ATP2C2: variants seen among roughly 807,000 people sequenced by gnomAD.
ATP2C2 encodes calcium-transporting ATPase type 2C member 2.
In ATP2C2, 171 loss-of-function variants were observed where a neutral mutation model predicts 110.8. The ratio of observed to expected loss-of-function variants is 1.54; its 90% CI spans 1.36 to 1.75. ATP2C2 has a LOEUF of 1.75. ATP2C2 is among the 40% of genes most tolerant of loss of function. The pLI, the probability that ATP2C2 is intolerant of heterozygous loss-of-function variation, is 0.00. For synonymous variants in ATP2C2, 804 were observed against 508.4 expected (o/e 1.58, Z -7.82); for missense variants, 1,963 against 1,235.0 (o/e 1.59, Z -8.84).
chr16:84,370,593 C>G (rs75220649), intron 1 of ATP2C2, among the ~76,000 whole-genome samples: 13,884 of 151,940 alleles, frequency 0.091, 734 homozygotes, highest in Middle Eastern at 0.16. Context: ...CTCATGTCCT[C>G]TCGTTGGAAC....
intron 11 of ATP2C2, among the ~76,000 whole-genome samples, chr16:84,430,349 G>T (rs1219897437): frequency 6.6e-5 from 10 of 152,188 alleles, no homozygotes; most frequent in Non-Finnish European, 8.8e-5. Flanking sequence ...ACAGAGTAAA[G>T]TCAGTTCTGG....
At chr16:84,442,239 A>C (rs917602662) in intron 14 of ATP2C2, among the ~76,000 whole-genome samples, 1 of 152,022 alleles carries the variant, frequency 6.6e-6, no homozygotes, top group Non-Finnish European at 1.5e-5. Flanking sequence ...CATCATCCCC[A>C]TTATCGGTCG....
intron 26 of ATP2C2, chr16:84,462,397 C>T (rs914173226): frequency 1.8e-5 from 7 of 397,390 alleles, no homozygotes; most frequent in South Asian, 5.0e-5. Flanking sequence ...TCCCAGGCGT[C>T]GGGCTGGAGG....
chr16:84,460,927 ATG>A, intron 24 of ATP2C2, 126 bp downstream of exon 24: 1 of 1,322,868 alleles, frequency 7.6e-7, no homozygotes, highest in South Asian at 1.5e-5. Flanking sequence ...ACACCGGACA[ATG>A]TGATGCCATC....
chr16:84,463,363 C>A (rs1911587808), intron 26 of ATP2C2, among the ~76,000 whole-genome samples: 1 of 152,164 alleles, frequency 6.6e-6, no homozygotes, highest in Non-Finnish European at 1.5e-5. Context: ...ATAACATGCT[C>A]CCAGCTGCCT....
At chr16:84,399,767 A>T (rs1905208625) in intron 2 of ATP2C2, among the ~76,000 whole-genome samples, 1 of 152,184 alleles carries the variant, frequency 6.6e-6, no homozygotes, top group African/African-American at 2.4e-5. Context: ...GTTACAAGTC[A>T]TCCACTTACA....
At chr16:84,442,437 G>C (rs1453928172) in intron 14 of ATP2C2, 73 bp from the exon 15 acceptor site, 80 of 1,431,336 alleles carry the variant, frequency 5.6e-5, no homozygotes, top group Non-Finnish European at 6.8e-5. Context: ...TGTAAAAATG[G>C]GACAGGCCCA....
At position 84,406,744 on chromosome 16, in the gene ATP2C2, G is replaced by A. The variant is rs1053729621; in HGVS notation, c.327+1500G>A. 8.2e-6 allele frequency: 6 copies of A among 729,180 alleles called. No individual in the cohort carries two copies. In the African/African-American group the frequency reaches 1.2e-4, roughly 14 times the overall value. The allele number at this position is 729,180 out of a possible 1,614,324, so 45.2% of individuals were successfully genotyped here. A position where few individuals can be genotyped will look rare whatever the true frequency, so the allele number is the denominator to read the frequency against. On this transcript the variant is annotated intron_variant, in intron 3 of 26. Coordinates refer to ENST00000262429, the MANE Select transcript of ATP2C2 (RefSeq NM_014861.4). ...TCCCGGAAGTTGGGGTTCAGGGAAG[G>A]AGGCCGAGACATGGGCTGTGAGGGA...
chr16:84,435,624 A>C (rs1169941140), intron 11 of ATP2C2, among the ~76,000 whole-genome samples: 2 of 152,174 alleles, frequency 1.3e-5, no homozygotes, highest in Non-Finnish European at 2.9e-5. Flanking sequence ...CCAGAAGTTC[A>C]AGACCAGCCT....
rs531287042 is a variant in ATP2C2, at chr16:84,453,208, G to T, written c.1902G>T (p.Lys634Asn). ...GGGAGGAGGTGGACAGCGTGGAGAA[G>T]GGCGAGCTGGCCGACCGCGTGGGGA... Reference protein sequence around the residue: ...MSGEEVDSVEKGELADRVGKV... With the variant: ...MSGEEVDSVENGELADRVGKV... Residue 634 changes from lysine (K) to asparagine (N), a missense_variant, in exon 19 of 27, where the codon AAG becomes AAT. By Grantham distance (94) the Lys-to-Asn change is moderately conservative. Transcript: ENST00000262429. 12 of 1,613,888 alleles carry T rather than the reference G, an allele frequency of 7.4e-6. No individual in the cohort carries two copies. The East Asian group carries it at 1.6e-4, about 21-fold the overall frequency.
At chr16:84,440,167 G>A (rs1054104086) in intron 13 of ATP2C2, among the ~76,000 whole-genome samples, 2 of 152,184 alleles carry the variant, frequency 1.3e-5, no homozygotes, top group Admixed American at 1.3e-4. Flanking sequence ...GGGTCTTGCT[G>A]TGTCGCCCAG....
At chr16:84,371,763 G>A (rs1567680016) in intron 1 of ATP2C2, among the ~76,000 whole-genome samples, 1 of 152,188 alleles carries the variant, frequency 6.6e-6, no homozygotes, top group East Asian at 1.9e-4. Context: ...GCTCTCCAGG[G>A]TGAGGCTTGG....
At chr16:84,403,028 G>T (rs902022837) in intron 2 of ATP2C2, among the ~76,000 whole-genome samples, 3 of 152,178 alleles carry the variant, frequency 2.0e-5, no homozygotes, top group Non-Finnish European at 2.9e-5. Flanking sequence ...TGTGTGTCTA[G>T]GAATTTATCC....
intron 1 of ATP2C2, among the ~76,000 whole-genome samples, chr16:84,374,130 T>A (rs1479590753): frequency 6.6e-6 from 1 of 152,256 alleles, no homozygotes; most frequent in Non-Finnish European, 1.5e-5. Flanking sequence ...CACTTAGTGC[T>A]CATTGACGGT....
chr16:84,404,986 A>G, intron 2 of ATP2C2, 142 bp from the exon 3 acceptor site: 1 of 779,806 alleles, frequency 1.3e-6, no homozygotes, highest in African/African-American at 1.7e-5. Flanking sequence ...GGGTCTTTGA[A>G]CAAGTCCCAG....
At chr16:84,463,518 C>A in intron 26 of ATP2C2, 96 bp from the exon 27 acceptor site, 3 of 1,035,566 alleles carry the variant, frequency 2.9e-6, no homozygotes, top group Non-Finnish European at 4.6e-6. Context: ...CTCCGCACCT[C>A]TCACTTTATC....
intron 1 of ATP2C2, among the ~76,000 whole-genome samples, chr16:84,393,875 G>T (rs977069294): frequency 1.3e-5 from 2 of 151,880 alleles, no homozygotes; most frequent in Non-Finnish European, 2.9e-5. Flanking sequence ...AAACAAAAAG[G>T]CTAGGCATGG....
chr16:84,413,818 T>A (rs1196568594), intron 6 of ATP2C2, among the ~76,000 whole-genome samples: 1 of 152,154 alleles, frequency 6.6e-6, no homozygotes, highest in Non-Finnish European at 1.5e-5. Context: ...ACTCCATCCC[T>A]GGTGCAGGCA....
Position 84,438,116 on chromosome 16 carries a change from C to G in ATP2C2, c.987-1050C>G, listed in dbSNP as rs534681420. On this transcript the variant is annotated intron_variant, in intron 11 of 26. Transcript: ENST00000262429. ...TATAGATAGACCACATTTGGCTCAT[C>G]CATTTGTTCACTGATGGACATTTGG... 2.0e-5 allele frequency among the ~76,000 whole-genome samples: 3 copies of G among 151,954 alleles called. No homozygotes were observed. The South Asian group carries it at 6.2e-4, about 31-fold the overall frequency.
Sources: allele counts gnomAD v4.1 joint callset (sites outside exome capture counted in the v4.1 genomes callset), GRCh38; gene constraint gnomAD v4.1.1; transcripts MANE v1.5; gene names NCBI Gene and HGNC (gene_info 2026-07-23, HGNC 2026-07-21).